Variants in RPS6KC1 observed in about 807,000 individuals in gnomAD.
RPS6KC1 encodes ribosomal protein S6 kinase C1.
A neutral mutation model predicts 103.8 loss-of-function variants in RPS6KC1; 54 were observed. The observed-to-expected ratio is 0.52, with a 90% CI of 0.42 to 0.65. The LOEUF (loss-of-function observed/expected upper bound fraction) is 0.65. Ranked by LOEUF, RPS6KC1 falls within the 30% of genes least tolerant of loss-of-function variation. RPS6KC1 has a pLI of 0.00. For synonymous variants in RPS6KC1, 439 were observed against 438.7 expected (o/e 1.00, Z -0.01); for missense variants, 1,151 against 1,253.8 (o/e 0.92, Z 1.24).
At chr1:213,449,763 G>T in the RPS6KC1 span, among the ~76,000 whole-genome samples, 1 of 152,092 alleles carries the variant, frequency 6.6e-6, no homozygotes, top group Admixed American at 6.5e-5. Flanking sequence ...TTTGTGTACC[G>T]TCTCTTTCTG....
At chr1:213,855,772 A>G in the RPS6KC1 span, among the ~76,000 whole-genome samples, 1 of 152,232 alleles carries the variant, frequency 6.6e-6, no homozygotes, top group Admixed American at 6.5e-5. Context: ...TTTTCCTGGC[A>G]TGGTGACAGA....
chr1:213,669,717 T>C, the RPS6KC1 span, among the ~76,000 whole-genome samples: 2 of 152,104 alleles, frequency 1.3e-5, no homozygotes, highest in East Asian at 1.9e-4. Context: ...CTTATTTGAT[T>C]TATCCTATGG....
At chr1:213,696,141 C>G in the RPS6KC1 span, among the ~76,000 whole-genome samples, 1 of 152,192 alleles carries the variant, frequency 6.6e-6, no homozygotes, top group Non-Finnish European at 1.5e-5. Context: ...TGTTGACTGT[C>G]ACTTTAGTAT....
chr1:213,377,779 G>T, the RPS6KC1 span, among the ~76,000 whole-genome samples: 4 of 152,282 alleles, frequency 2.6e-5, no homozygotes, highest in Non-Finnish European at 5.9e-5. Flanking sequence ...AAATATTCCT[G>T]CTCAGTTTGG....
the RPS6KC1 span, among the ~76,000 whole-genome samples, chr1:213,347,262 C>CT: frequency 6.6e-6 from 1 of 152,162 alleles, no homozygotes; most frequent in Admixed American, 6.5e-5. Flanking sequence ...ATTGTAAACA[C>CT]TTTTTTTCTT....
the RPS6KC1 span, among the ~76,000 whole-genome samples, chr1:213,698,762 G>A: frequency 6.6e-6 from 1 of 152,058 alleles, no homozygotes; most frequent in South Asian, 2.1e-4. Context: ...CTGCAATTAT[G>A]TGAATACTGT....
the RPS6KC1 span, among the ~76,000 whole-genome samples, chr1:213,789,659 G>A: frequency 2.6e-5 from 4 of 152,162 alleles, no homozygotes; most frequent in South Asian, 8.3e-4. Context: ...CCCTTAAAAC[G>A]ATAAGGTACT....
chr1:213,733,151 A>G, the RPS6KC1 span, among the ~76,000 whole-genome samples: 1 of 152,040 alleles, frequency 6.6e-6, no homozygotes, highest in African/African-American at 2.4e-5. Flanking sequence ...TTTCCTTTGC[A>G]TATATAACAA....
the RPS6KC1 span, among the ~76,000 whole-genome samples, chr1:213,530,872 G>A: frequency 6.6e-6 from 1 of 152,372 alleles, no homozygotes; most frequent in Non-Finnish European, 1.5e-5. Context: ...ACTCTGCTCA[G>A]TCCTGCCACT....
chr1:213,056,477 G>A lies in RPS6KC1; in HGVS notation c.105+4968G>A, dbSNP rs543026273. On this transcript the variant is annotated intron_variant, in intron 1 of 14. Transcript: ENST00000366960. The stretch of plus-strand genomic sequence containing the variant: ...GGGACACCTATGTGTCCCCACAAGG[G>A]CATTACTATAGTTTGGCAAAAGTGA... 5.2e-4 allele frequency among the ~76,000 whole-genome samples: 79 copies of A among 152,270 alleles called. 1 individual carries two copies. Among genetic ancestry groups the A allele is most frequent in the African/African-American group, 1.9e-3 (78 of 41,566 alleles).
At chr1:213,490,568 C>T in the RPS6KC1 span, among the ~76,000 whole-genome samples, 460 of 152,230 alleles carry the variant, frequency 3.0e-3, 3 homozygotes, top group African/African-American at 0.011. Flanking sequence ...CAGCAGATGG[C>T]CCCTTCTAAA....
chr1:213,302,622 G>T, the RPS6KC1 span, among the ~76,000 whole-genome samples: 2 of 152,178 alleles, frequency 1.3e-5, no homozygotes, highest in Non-Finnish European at 2.9e-5. Context: ...TCCAAAGGCG[G>T]GGTTGACGTG....
chr1:213,210,740 C>CA (rs1479043098), intron 8 of RPS6KC1, among the ~76,000 whole-genome samples: 2 of 152,212 alleles, frequency 1.3e-5, no homozygotes, highest in Non-Finnish European at 2.9e-5. Flanking sequence ...AGTACAAACT[C>CA]ACTGAACACA....
chr1:213,636,690 A>G, the RPS6KC1 span, among the ~76,000 whole-genome samples: 1 of 152,208 alleles, frequency 6.6e-6, no homozygotes, highest in Non-Finnish European at 1.5e-5. Flanking sequence ...AATACCACTC[A>G]GGACATAGGC....
At chr1:213,730,840 C>A in the RPS6KC1 span, among the ~76,000 whole-genome samples, 6 of 152,268 alleles carry the variant, frequency 3.9e-5, no homozygotes, top group South Asian at 1.0e-3. Flanking sequence ...GTTATGAAAT[C>A]TTTGCCTGTG....
chr1:213,450,622 A>G, the RPS6KC1 span, among the ~76,000 whole-genome samples: 3 of 152,178 alleles, frequency 2.0e-5, no homozygotes, highest in African/African-American at 7.2e-5. Context: ...TCCTGGAGTC[A>G]GGAGTTAAAT....
At chr1:213,177,457 TGTA>T (rs1161180450) in intron 8 of RPS6KC1, among the ~76,000 whole-genome samples, 1 of 152,202 alleles carries the variant, frequency 6.6e-6, no homozygotes, top group Non-Finnish European at 1.5e-5. Flanking sequence ...TTGAGCAATA[TGTA>T]GTATTCTCTA....
chr1:213,115,541 A>G (rs946648780), intron 4 of RPS6KC1, among the ~76,000 whole-genome samples: 7 of 151,312 alleles, frequency 4.6e-5, no homozygotes, highest in African/African-American at 1.2e-4. Context: ...GGTTTTTTGT[A>G]TCTCTATTTC....
At chr1:213,324,593 C>CTTTTTTTTTTTTTT in the RPS6KC1 span, among the ~76,000 whole-genome samples, 10 of 81,824 alleles carry the variant, frequency 1.2e-4, no homozygotes, top group Middle Eastern at 6.5e-3. Context: ...GCTCGATATG[C>CTTTTTTTTTTTTTT]TTTTTTTTTT....
Sources: gnomAD v4.1 joint callset for allele counts (sites outside exome capture counted in the v4.1 genomes callset) on GRCh38, gnomAD v4.1.1 for gene constraint, MANE v1.5 for transcripts, NCBI Gene and HGNC (gene_info 2026-07-23, HGNC 2026-07-21) for gene names.